Variants in PLCH1 observed in about 807,000 individuals in gnomAD.
PLCH1 encodes 1-phosphatidylinositol 4,5-bisphosphate phosphodiesterase eta-1.
In PLCH1, 60 loss-of-function variants were observed where a neutral mutation model predicts 126.7. The observed-to-expected ratio is 0.47, with a 90% CI of 0.38 to 0.59. The LOEUF (loss-of-function observed/expected upper bound fraction) is 0.59. PLCH1 is among the 20% of genes least tolerant of loss of function. PLCH1 has a pLI of 0.00. For missense variants in PLCH1, 1,723 were observed against 2,040.0 expected (o/e 0.84, Z 2.99); for synonymous variants, 719 against 734.9 (o/e 0.98, Z 0.35).
At chr3:155,642,212 G>C (rs543089609) in intron 2 of PLCH1, among the ~76,000 whole-genome samples, 1 of 152,174 alleles carries the variant, frequency 6.6e-6, no homozygotes, top group Non-Finnish European at 1.5e-5. Flanking sequence ...CGGTCACACA[G>C]CCTGTAAGTG....
At chr3:155,562,634 C>T (rs1276510072) in intron 8 of PLCH1, among the ~76,000 whole-genome samples, 1 of 152,150 alleles carries the variant, frequency 6.6e-6, no homozygotes, top group Non-Finnish European at 1.5e-5. Context: ...GCTTGGGCTT[C>T]CCTGACTTAC....
chr3:155,737,846 T>C (rs987801661), intron 1 of PLCH1, among the ~76,000 whole-genome samples: 12 of 152,132 alleles, frequency 7.9e-5, no homozygotes, highest in Admixed American at 7.9e-4. Flanking sequence ...TAGCACTCCA[T>C]GCAGATCTAA....
chr3:155,629,758 C>A (rs1323859459), intron 2 of PLCH1, among the ~76,000 whole-genome samples: 3 of 152,176 alleles, frequency 2.0e-5, no homozygotes, highest in African/African-American at 7.2e-5. Context: ...CCAAACTCCT[C>A]GCCAGGGGCC....
chr3:155,634,621 T>G (rs1294467261), intron 2 of PLCH1, among the ~76,000 whole-genome samples: 1 of 152,188 alleles, frequency 6.6e-6, no homozygotes, highest in East Asian at 1.9e-4. Context: ...GAAGCCTGGC[T>G]CTGGGCTCCA....
At chr3:155,727,144 C>T (rs1387303833) in intron 1 of PLCH1, among the ~76,000 whole-genome samples, 2 of 151,322 alleles carry the variant, frequency 1.3e-5, no homozygotes, top group African/African-American at 4.9e-5. Flanking sequence ...TTTAAATGAG[C>T]TTGGAAAAAT....
chr3:155,467,356 C>T (rs972639675), intron 21 of PLCH1, among the ~76,000 whole-genome samples: 2 of 152,040 alleles, frequency 1.3e-5, no homozygotes, highest in African/African-American at 4.8e-5. Flanking sequence ...GGTGGGTCAC[C>T]TGGGCTCAAG....
At chr3:155,638,952 T>C (rs1479468644) in intron 2 of PLCH1, among the ~76,000 whole-genome samples, 1 of 152,178 alleles carries the variant, frequency 6.6e-6, no homozygotes, top group Non-Finnish European at 1.5e-5. Flanking sequence ...AGCAAGCAAA[T>C]GTAGCTTAAA....
At chr3:155,581,975 C>A (rs1396907588) in intron 6 of PLCH1, among the ~76,000 whole-genome samples, 1 of 151,064 alleles carries the variant, frequency 6.6e-6, no homozygotes, top group African/African-American at 2.4e-5. Flanking sequence ...TCAGAACTCC[C>A]GACCACAGGT....
At chr3:155,664,443 A>G (rs767955800) in intron 2 of PLCH1, among the ~76,000 whole-genome samples, 35 of 152,230 alleles carry the variant, frequency 2.3e-4, no homozygotes, top group African/African-American at 8.2e-4. Flanking sequence ...GCTGGCAAAC[A>G]TTTTTTGTAT....
At chr3:155,534,533 T>A (rs1249883551) in intron 10 of PLCH1, among the ~76,000 whole-genome samples, 2 of 152,174 alleles carry the variant, frequency 1.3e-5, no homozygotes, top group Non-Finnish European at 2.9e-5. Flanking sequence ...GGACTTGGAC[T>A]TTTGGGTTAA....
intron 2 of PLCH1, among the ~76,000 whole-genome samples, chr3:155,629,831 C>T (rs537440610): frequency 1.3e-5 from 2 of 152,328 alleles, no homozygotes; most frequent in South Asian, 4.1e-4. Flanking sequence ...AGACTCTGCA[C>T]AGTTCCCCAG....
In PLCH1 at chr3:155,564,092, TG is replaced by T. The variant is rs573102156; in HGVS notation, c.1069+822del. Among the ~76,000 whole-genome samples, 637 of 152,128 alleles carry T rather than the reference TG, an allele frequency of 4.2e-3. 1 individual carries two copies. Among genetic ancestry groups the T allele is most frequent in the Admixed American group, 7.1e-3 (108 of 15,284 alleles). ...CCTCCCAGGTAGCTAAAACTATAGGTGTACAATACCATGCCTGGTTTATATT... is the reference window on the plus strand; with the variant it reads ...CCTCCCAGGTAGCTAAAACTATAGGTTACAATACCATGCCTGGTTTATATT... On this transcript the variant is annotated intron_variant, in intron 8 of 22. Transcript: ENST00000460012.
chr3:155,461,588 C>T (rs927135651), intron 21 of PLCH1, among the ~76,000 whole-genome samples: 1 of 152,206 alleles, frequency 6.6e-6, no homozygotes, highest in Non-Finnish European at 1.5e-5. Context: ...TCTGGTGTCA[C>T]TCCCTCAACT....
intron 1 of PLCH1, among the ~76,000 whole-genome samples, chr3:155,733,054 A>G (rs1213605279): frequency 6.6e-6 from 1 of 152,160 alleles, no homozygotes; most frequent in African/African-American, 2.4e-5. Context: ...CACTGATGAA[A>G]TAAATTAAAG....
At position 155,546,002 on chromosome 3, in the gene PLCH1, A is replaced by G. The variant is rs557828854; in HGVS notation, c.1362+3785T>C. ...CAAGACAGGGATGCCCTCTCTCACCACTCCTATTCAACATAGTGTTGGAAG... is the reference window on the plus strand; with the variant it reads ...CAAGACAGGGATGCCCTCTCTCACCGCTCCTATTCAACATAGTGTTGGAAG... On this transcript the variant is annotated intron_variant, in intron 10 of 22. Coordinates refer to ENST00000460012, the MANE Select transcript of PLCH1 (RefSeq NM_014996.4). 1.5e-3 allele frequency among the ~76,000 whole-genome samples: 230 copies of G among 151,642 alleles called. 1 individual carries two copies. Among genetic ancestry groups the G allele is most frequent in the African/African-American group, 5.2e-3 (214 of 41,404 alleles).
chr3:155,716,246 C>G (rs1003172912), intron 1 of PLCH1, among the ~76,000 whole-genome samples: 3 of 152,282 alleles, frequency 2.0e-5, no homozygotes, highest in Non-Finnish European at 2.9e-5. Context: ...TTACAACTTG[C>G]TTGATGACAT....
intron 6 of PLCH1, among the ~76,000 whole-genome samples, chr3:155,571,961 T>C (rs530376060): frequency 1.3e-5 from 2 of 152,358 alleles, no homozygotes; most frequent in African/African-American, 4.8e-5. Context: ...GTTTCCTTTC[T>C]CACAGAACAT....
intron 2 of PLCH1, among the ~76,000 whole-genome samples, chr3:155,693,997 C>G (rs1290086730): frequency 6.6e-6 from 1 of 152,002 alleles, no homozygotes. Flanking sequence ...ATAGATGATT[C>G]TTCTATATTT....
chr3:155,650,697 A>C (rs927734515), intron 2 of PLCH1, among the ~76,000 whole-genome samples: 5 of 152,250 alleles, frequency 3.3e-5, no homozygotes, highest in Non-Finnish European at 5.9e-5. Context: ...ATCAGTATTA[A>C]AATGATTACA....
Sources: allele counts gnomAD v4.1 joint callset (sites outside exome capture counted in the v4.1 genomes callset), GRCh38; gene constraint gnomAD v4.1.1; transcripts MANE v1.5; gene names NCBI Gene and HGNC (gene_info 2026-07-23, HGNC 2026-07-21).